NRXN3: variants seen among roughly 807,000 people sequenced by gnomAD.
NRXN3 encodes neurexin III.
A neutral mutation model predicts 137.6 loss-of-function variants in NRXN3; 32 were observed. The observed-to-expected ratio is 0.23, with a 90% CI of 0.18 to 0.31. The LOEUF is 0.31. Ranked by LOEUF, NRXN3 falls within the 10% of genes least tolerant of loss-of-function variation. The probability of loss-of-function intolerance (pLI) is 1.00; values close to 1 mark genes in which losing one functional copy is unlikely to be tolerated. For missense variants in NRXN3, 1,574 were observed against 2,062.5 expected, an observed-to-expected ratio of 0.76 and a Z score of 4.59; for synonymous variants, 798 against 784.5, an observed-to-expected ratio of 1.02 and a Z score of -0.29.
chr14:79,625,424 C>T (rs1261004628), intron 16 of NRXN3, among the ~76,000 whole-genome samples: 3 of 152,108 alleles, frequency 2.0e-5, no homozygotes, highest in Non-Finnish European at 2.9e-5. Context: ...CAAGAAAGAA[C>T]AGACATCTCT....
intron 8 of NRXN3, among the ~76,000 whole-genome samples, chr14:78,750,354 C>A (rs1352677210): frequency 6.6e-6 from 1 of 152,060 alleles, no homozygotes; most frequent in African/African-American, 2.4e-5. Flanking sequence ...ATCATAGGAA[C>A]CTCAAGTTTG....
chr14:79,610,220 A>G (rs1216237252), intron 16 of NRXN3, among the ~76,000 whole-genome samples: 3 of 152,200 alleles, frequency 2.0e-5, no homozygotes, highest in Non-Finnish European at 4.4e-5. Flanking sequence ...AAAATAAAGA[A>G]AAAACAAAGC....
At chr14:78,616,191 G>A (rs2097345827) in intron 4 of NRXN3, among the ~76,000 whole-genome samples, 1 of 152,094 alleles carries the variant, frequency 6.6e-6, no homozygotes, top group Admixed American at 6.6e-5. Context: ...ACCCTTTAAT[G>A]GTTTCCATTT....
At chr14:78,505,304 G>A (rs1224743493) in intron 4 of NRXN3, among the ~76,000 whole-genome samples, 1 of 152,098 alleles carries the variant, frequency 6.6e-6, no homozygotes, top group Non-Finnish European at 1.5e-5. Flanking sequence ...GCAGCTTCTT[G>A]TTTTTAGCTG....
intron 15 of NRXN3, among the ~76,000 whole-genome samples, chr14:79,131,243 G>A (rs2057421985): frequency 6.6e-6 from 1 of 152,162 alleles, no homozygotes; most frequent in Non-Finnish European, 1.5e-5. Flanking sequence ...CTTTGGAGGA[G>A]GAGAGGTGCT....
At chr14:79,258,058 C>T (rs2077040845) in intron 15 of NRXN3, among the ~76,000 whole-genome samples, 1 of 152,156 alleles carries the variant, frequency 6.6e-6, no homozygotes, top group South Asian at 2.1e-4. Context: ...TTAGTAATCA[C>T]TGTGAGGAAG....
rs368511593 is a variant in NRXN3 at position 79,348,406 on chromosome 14, C to T, written c.3263-118815C>T. Among the ~76,000 whole-genome samples the T allele has an allele frequency of 3.5e-3, 510 of 145,016 alleles. 2 individuals carry two copies. The highest frequency in any genetic ancestry group is 0.013 in the African/African-American group (484 of 38,324). On this transcript the variant is annotated intron_variant, in intron 15 of 20. Coordinates refer to ENST00000335750, the MANE Select transcript of NRXN3 (RefSeq NM_001330195.2). ...TTTTTTTTTTTTTGAGACAGAGTCTCGCTCTGTCGCCCAGGCTGGAGTGCA... is the reference window on the plus strand; with the variant it reads ...TTTTTTTTTTTTTGAGACAGAGTCTTGCTCTGTCGCCCAGGCTGGAGTGCA...
intron 15 of NRXN3, among the ~76,000 whole-genome samples, chr14:79,308,899 T>A (rs547114488): frequency 9.6e-4 from 139 of 145,394 alleles, no homozygotes; most frequent in African/African-American, 3.0e-3. Context: ...TATTTTTTTT[T>A]ATTTTATTTA....
intron 8 of NRXN3, among the ~76,000 whole-genome samples, chr14:78,768,376 A>C (rs567755450): frequency 6.6e-6 from 1 of 152,198 alleles, no homozygotes; most frequent in Non-Finnish European, 1.5e-5. Context: ...ATTCATGCAC[A>C]TGAGAGAGTT....
chr14:79,441,366 C>CTTTTTTTTTTTTTTTTT lies in NRXN3; in HGVS notation c.3263-25840_3263-25824dup, dbSNP rs869170695. Among the ~76,000 whole-genome samples the CTTTTTTTTTTTTTTTTT allele has an allele frequency of 5.9e-5, 4 of 67,248 alleles. 1 individual carries two copies. The highest frequency in any genetic ancestry group is 1.7e-3 in the East Asian group (2 of 1,184). 44.1% of individuals were successfully genotyped at this position (67,248 alleles called of 152,430 possible). On this transcript the variant is annotated intron_variant, in intron 15 of 20. Coordinates refer to ENST00000335750, the MANE Select transcript of NRXN3 (RefSeq NM_001330195.2). ...GAATATCCCTGGACAAACAGAAAAT[C>CTTTTTTTTTTTTTTTTT]TTTTTTTTTTTTTTTTTTTTTTTTT...
chr14:78,192,095 TGTGTGTGTGTGTGA>T (rs1420732695), intron 1 of NRXN3, among the ~76,000 whole-genome samples: 3 of 144,854 alleles, frequency 2.1e-5, no homozygotes, highest in African/African-American at 8.5e-5. Flanking sequence ...TGTGTGTGTG[TGTGTGTGTGTGTGA>T]GAGAGAGAGC....
chr14:78,530,471 T>G (rs1381296311), intron 4 of NRXN3, among the ~76,000 whole-genome samples: 2 of 152,196 alleles, frequency 1.3e-5, no homozygotes, highest in Non-Finnish European at 2.9e-5. Context: ...ATTTTTCAGG[T>G]GCCTGGAGGA....
intron 9 of NRXN3, among the ~76,000 whole-genome samples, chr14:78,806,681 G>A (rs1304428003): frequency 6.6e-6 from 1 of 152,214 alleles, no homozygotes; most frequent in Non-Finnish European, 1.5e-5. Flanking sequence ...GCAGCCATAT[G>A]TGGTGCTAAC....
chr14:78,401,603 C>T (rs1331181430), intron 4 of NRXN3, among the ~76,000 whole-genome samples: 2 of 152,312 alleles, frequency 1.3e-5, no homozygotes, highest in Admixed American at 6.5e-5. Flanking sequence ...CTTTTTAATA[C>T]CACCACAATG....
intron 4 of NRXN3, among the ~76,000 whole-genome samples, chr14:78,575,394 G>C (rs1218040660): frequency 6.6e-6 from 1 of 152,098 alleles, no homozygotes; most frequent in African/African-American, 2.4e-5. Flanking sequence ...GAATGATGCA[G>C]CTTTTTGAAA....
intron 19 of NRXN3, among the ~76,000 whole-genome samples, chr14:79,719,778 GTTCT>G (rs2098837785): frequency 1.3e-5 from 2 of 151,946 alleles, no homozygotes; most frequent in Non-Finnish European, 2.9e-5. Flanking sequence ...TTTCAGACAT[GTTCT>G]TTCTACTTGA....
intron 15 of NRXN3, among the ~76,000 whole-genome samples, chr14:79,273,180 A>AT (rs1167413981): frequency 5.0e-4 from 72 of 143,006 alleles, no homozygotes; most frequent in East Asian, 2.6e-3. Context: ...GCCAAAAAAA[A>AT]AAAAAAAAAA....
At chr14:79,529,136 C>T (rs2097147645) in intron 16 of NRXN3, among the ~76,000 whole-genome samples, 1 of 152,106 alleles carries the variant, frequency 6.6e-6, no homozygotes, top group South Asian at 2.1e-4. Flanking sequence ...TCTCAAAATC[C>T]GAGCTCTCTG....
chr14:79,772,142 G>A (rs891670450), intron 19 of NRXN3, among the ~76,000 whole-genome samples: 11 of 151,662 alleles, frequency 7.3e-5, no homozygotes, highest in African/African-American at 2.4e-4. Context: ...CAAACAAATG[G>A]AAGAACATTC....
Sources: allele counts gnomAD v4.1 joint callset (sites outside exome capture counted in the v4.1 genomes callset), GRCh38; gene constraint gnomAD v4.1.1; transcripts MANE v1.5; gene names NCBI Gene and HGNC (gene_info 2026-07-23, HGNC 2026-07-21).